The following CENPU variants were observed in gnomAD, a reference collection of about 807,000 sequenced individuals.
The protein encoded by CENPU is KSHV latent nuclear antigen interacting protein 1.
In CENPU, 46 loss-of-function variants were observed where a neutral mutation model predicts 56.7. That is an observed-to-expected ratio of 0.81 (90% confidence interval 0.64 to 1.04). The LOEUF is 1.04. Among genes scored for constraint, CENPU ranks in the 50% least tolerant of loss-of-function variants. The pLI is 0.00. For missense variants in CENPU, 510 were observed against 490.1 expected (o/e 1.04, Z -0.38); for synonymous variants, 166 against 163.0 (o/e 1.02, Z -0.14).
At chr4:184,708,226 A>G (rs1561133025) in intron 8 of CENPU, among the ~76,000 whole-genome samples, 3 of 101,010 alleles carry the variant, frequency 3.0e-5, no homozygotes, top group African/African-American at 1.4e-4. Flanking sequence ...CCATCTCAAA[A>G]AAAAAAAAAA....
At chr4:184,718,807 C>T (rs6833858) in intron 4 of CENPU, among the ~76,000 whole-genome samples, 27,078 of 152,040 alleles carry the variant, frequency 0.18, 2,717 homozygotes, top group African/African-American at 0.26. Context: ...ACCTAGAGAA[C>T]ACCAAAGAAG....
intron 1 of CENPU, among the ~76,000 whole-genome samples, chr4:184,733,641 C>G (rs1305319909): frequency 2.0e-5 from 3 of 152,238 alleles, no homozygotes; most frequent in African/African-American, 7.2e-5. Context: ...AACTGATTCC[C>G]AGTCAGAGAA....
intron 11 of CENPU, chr4:184,698,066 G>A (rs1760401086): frequency 8.6e-6 from 3 of 347,606 alleles, no homozygotes; most frequent in Middle Eastern, 8.1e-4. Context: ...AATTCATCAA[G>A]CCGTTCAAGT....
intron 12 of CENPU, among the ~76,000 whole-genome samples, chr4:184,695,940 ATGTTC>A (rs1200089536): frequency 2.6e-5 from 4 of 152,236 alleles, no homozygotes; most frequent in African/African-American, 9.6e-5. Flanking sequence ...GCCAATCCAA[ATGTTC>A]TTAATGATTC....
At chr4:184,695,429 A>T (rs760595169) in intron 12 of CENPU, 28 bp from the exon 13 acceptor site, 1 of 1,514,156 alleles carries the variant, frequency 6.6e-7, no homozygotes, top group South Asian at 1.1e-5. Flanking sequence ...TATAATTAGC[A>T]ATATCAAAAA....
chr4:184,700,778 C>A, intron 11 of CENPU, 42 bp downstream of exon 11: 1 of 1,537,462 alleles, frequency 6.5e-7, no homozygotes, highest in Non-Finnish European at 9.0e-7. Flanking sequence ...ATCATTACAT[C>A]CTTTTAGGTA....
At chr4:184,705,906 C>T (rs1487135652) in intron 8 of CENPU, among the ~76,000 whole-genome samples, 1 of 152,104 alleles carries the variant, frequency 6.6e-6, no homozygotes, top group African/African-American at 2.4e-5. Flanking sequence ...TCGAAGTAGT[C>T]AACTTCATAG....
At chr4:184,715,461 C>T (rs990103925) in intron 6 of CENPU, among the ~76,000 whole-genome samples, 10 of 152,110 alleles carry the variant, frequency 6.6e-5, no homozygotes, top group African/African-American at 1.2e-4. Context: ...TACAGGCACG[C>T]GCCACCACAT....
At chr4:184,705,501 AT>A (rs1240830091) in intron 8 of CENPU, among the ~76,000 whole-genome samples, 3 of 152,176 alleles carry the variant, frequency 2.0e-5, no homozygotes, top group African/African-American at 7.2e-5. Context: ...ACACAAACCT[AT>A]GCATATGATA....
intron 10 of CENPU, 100 bp downstream of exon 10, chr4:184,701,989 A>C: frequency 2.7e-6 from 2 of 740,754 alleles, no homozygotes; most frequent in South Asian, 3.2e-5. Context: ...TATGAAATCT[A>C]CTCACACTCT....
At chr4:184,705,459 C>T (rs1007563499) in intron 8 of CENPU, among the ~76,000 whole-genome samples, 11 of 151,846 alleles carry the variant, frequency 7.2e-5, no homozygotes, top group Non-Finnish European at 1.0e-4. Context: ...AGCGGGGGCA[C>T]GAGAACACAA....
intron 1 of CENPU, among the ~76,000 whole-genome samples, chr4:184,732,827 C>G (rs1316435448): frequency 6.6e-6 from 1 of 152,078 alleles, no homozygotes; most frequent in African/African-American, 2.4e-5. Flanking sequence ...CATGGTGAAA[C>G]CCCGTCTTTA....
intron 11 of CENPU, chr4:184,698,420 A>T (rs1318557967): frequency 6.6e-6 from 1 of 152,216 alleles, no homozygotes; most frequent in African/African-American, 2.4e-5. Context: ...TATAAAACAC[A>T]ATTCTCTAAT....
rs1760553355 is a variant in CENPU at position 184,702,089 on chromosome 4, C to T, written c.924G>A (p.Lys308=). 1.9e-6 allele frequency: 3 copies of T among 1,598,504 alleles called. No homozygotes were observed. The highest frequency in any genetic ancestry group is 2.6e-6 in the Non-Finnish European group (3 of 1,167,304). The change falls in exon 10 of 13, where the codon AAG becomes AAA. Residue 308 remains lysine, a splice_region_variant and synonymous_variant. Transcript: ENST00000281453. ...GACTCTAATCACATAAATAATTTAC[C>T]TTAGCATTCTTCCTTTTCAGATTTG... The part of the protein sequence containing the change: ...MLTNLKRKNA[K]MISDIEKKRQ...
intron 7 of CENPU, among the ~76,000 whole-genome samples, chr4:184,712,505 T>G (rs577363393): frequency 6.6e-6 from 1 of 152,212 alleles, no homozygotes; most frequent in Non-Finnish European, 1.5e-5. Flanking sequence ...GAGTTACACA[T>G]TGTACTGTAT....
At chr4:184,697,498 T>G in intron 12 of CENPU, 149 bp downstream of exon 12, 1 of 721,800 alleles carries the variant, frequency 1.4e-6, no homozygotes, top group South Asian at 1.8e-5. Context: ...TATAATGAAG[T>G]TTCACTGGCT....
intron 11 of CENPU, among the ~76,000 whole-genome samples, chr4:184,698,755 G>A (rs1241016673): frequency 1.3e-5 from 2 of 152,128 alleles, no homozygotes; most frequent in Non-Finnish European, 2.9e-5. Context: ...CTTCTTTAAC[G>A]ATTCTTTACA....
intron 8 of CENPU, among the ~76,000 whole-genome samples, chr4:184,708,973 C>A (rs374764820): frequency 1.3e-5 from 2 of 151,900 alleles, no homozygotes; most frequent in East Asian, 3.9e-4. Flanking sequence ...ATAAATACAA[C>A]TTTTTTAAGT....
At chr4:184,715,064 A>T (rs945803247) in intron 6 of CENPU, among the ~76,000 whole-genome samples, 13 of 152,186 alleles carry the variant, frequency 8.5e-5, no homozygotes, top group African/African-American at 2.7e-4. Context: ...AATAAAAATT[A>T]AAAAAATTCA....
Sources: gnomAD v4.1 joint callset for allele counts (sites outside exome capture counted in the v4.1 genomes callset) on GRCh38, gnomAD v4.1.1 for gene constraint, MANE v1.5 for transcripts, NCBI Gene and HGNC (gene_info 2026-07-23, HGNC 2026-07-21) for gene names.